The following RAB34 variants were observed in gnomAD, a reference collection of about 807,000 sequenced individuals.
The protein encoded by RAB34 is RAB34, member RAS oncogene family.
In RAB34, 33 loss-of-function variants were observed where a neutral mutation model predicts 39.0. The ratio of observed to expected loss-of-function variants is 0.85; its 90% confidence interval spans 0.64 to 1.13. The LOEUF (loss-of-function observed/expected upper bound fraction) is 1.13. RAB34 is among the 50% of genes most tolerant of loss of function. The pLI, the probability that RAB34 is intolerant of heterozygous loss-of-function variation, is 0.00. For missense variants in RAB34, 289 were observed against 326.1 expected (o/e 0.89, Z 0.88); for synonymous variants, 135 against 125.1 (o/e 1.08, Z -0.53).
Position 28,714,850 on chromosome 17 carries a change from C to A in RAB34, c.655G>T (p.Ala219Ser), listed in dbSNP as rs1181491295. The A allele has an allele frequency of 6.2e-7, 1 of 1,614,126 alleles. No homozygotes were observed. Among genetic ancestry groups the A allele is most frequent in the Non-Finnish European group, 8.5e-7 (1 of 1,180,036 alleles). ...FFRVAALTFEANVLAELEKSG... is the reference protein window; with the variant it reads ...FFRVAALTFESNVLAELEKSG... Reference sequence around the variant, plus strand: ...TTCTCCAGCTCAGCCAGCACATTGGCCTCAAAGGTCAGTGCTGCCACACGG... The same window carrying A: ...TTCTCCAGCTCAGCCAGCACATTGGACTCAAAGGTCAGTGCTGCCACACGG... The change falls in exon 9 of 10, where the codon GCC (alanine) becomes TCC (serine). Residue 219 changes from alanine to serine, a missense_variant. Physicochemically the swap from Ala to Ser is moderately conservative, Grantham distance 99. Coordinates refer to ENST00000395245, the MANE Select transcript of RAB34 (RefSeq NM_031934.6).
chr17:28,715,761 G>A lies in RAB34; in HGVS notation c.314+39C>T, dbSNP rs374486308. ...TGTATCTTGGGGGGTGTGGGTGCTG[G>A]GGAGAAGGGATAGCTGGAAGGGGTG... On this transcript the variant is annotated intron_variant, in intron 4 of 9. Transcript: ENST00000395245. 2.8e-5 allele frequency: 45 copies of A among 1,612,078 alleles called. No homozygotes were observed. The African/African-American group carries it at 5.3e-4, about 19-fold the overall frequency.
chr17:28,715,371 T>G (rs1229235021), intron 6 of RAB34, 85 bp downstream of exon 6: 1 of 1,591,538 alleles, frequency 6.3e-7, no homozygotes, highest in Non-Finnish European at 8.6e-7. Context: ...TGGTCCTACA[T>G]GCATTCTTCT....
rs764690729 is a variant in RAB34 at position 28,715,743 on chromosome 17, TG to T, written c.315-39del. 2.5e-6 allele frequency: 4 copies of T among 1,613,296 alleles called. No homozygotes were observed. The East Asian group carries it at 8.9e-5, about 36-fold the overall frequency. ...AAGAGTGAAGCACAGGTATGTATCT[TG>T]GGGGGTGTGGGTGCTGGGGAGAAGG... On this transcript the variant is annotated intron_variant, in intron 4 of 9. Transcript: ENST00000395245.
Position 28,715,711 on chromosome 17 carries a change from A to G in RAB34, c.315-6T>C. Reference sequence around the variant, plus strand: ...CCTGCCCAGCGGTATCCCAACTGGAAGGAAGGAAGAGTGAAGCACAGGTAT... The same window carrying G: ...CCTGCCCAGCGGTATCCCAACTGGAGGGAAGGAAGAGTGAAGCACAGGTAT... On this transcript the variant is annotated splice_region_variant and splice_polypyrimidine_tract_variant and intron_variant, in intron 4 of 9. Transcript: ENST00000395245. 6.2e-7 allele frequency: 1 copy of G among 1,613,944 alleles called. No homozygotes were observed.
In RAB34 at chr17:28,717,398, C is replaced by T; in HGVS notation, c.-132G>A. ...GACTACAACTCGGGGCCACGGGGAC[C>T]CTACGGGAGTCCGCGGTCTCGGAGA... On this transcript the variant is annotated 5_prime_UTR_variant, in exon 1 of 10. Transcript: ENST00000395245. 1 of 1,509,286 alleles carries T rather than the reference C, an allele frequency of 6.6e-7. No homozygotes were observed. Among genetic ancestry groups the T allele is most frequent in the Non-Finnish European group, 8.9e-7 (1 of 1,128,742 alleles). 93.5% of individuals were successfully genotyped at this position (1,509,286 alleles called of 1,614,324 possible). A position where few individuals can be genotyped will look rare whatever the true frequency, so the allele number is the denominator to read the frequency against.
rs1196779483 is a variant in RAB34, at chr17:28,717,639, G to A, written c.-373C>T. 7.3e-7 allele frequency: 1 copy of A among 1,375,992 alleles called. No homozygotes were observed. Among genetic ancestry groups the A allele is most frequent in the Middle Eastern group, 1.9e-4 (1 of 5,308 alleles). 85.2% of individuals were successfully genotyped at this position (1,375,992 alleles called of 1,614,324 possible). A position where few individuals can be genotyped will look rare whatever the true frequency, so the allele number is the denominator to read the frequency against. On this transcript the variant is annotated 5_prime_UTR_variant, in exon 1 of 10. Transcript: ENST00000395245. ...ATAGTTCCTACGATTACGCGGGGCC[G>A]GATGGTTCCTACAATAACCCGGGGC... is the stretch of plus-strand genomic sequence containing the variant.
upstream of RAB34, chr17:28,718,062 T>C (rs2151715838): frequency 6.7e-7 from 1 of 1,494,296 alleles, no homozygotes; most frequent in East Asian, 2.5e-5. Flanking sequence ...AGATAGGGAC[T>C]CCCCAGGCTG....
rs1358741703 is a variant in RAB34 at position 28,716,074 on chromosome 17, G to C, written c.147-16C>G. On this transcript the variant is annotated splice_polypyrimidine_tract_variant and intron_variant, in intron 2 of 9. Coordinates refer to ENST00000395245, the MANE Select transcript of RAB34 (RefSeq NM_031934.6). ...GATCTTAAATCTGCTGGACACAAGA[G>C]TGGGCAAGGGGAGTGGGCACGAGCT... 1 of 1,613,586 alleles carries C rather than the reference G, an allele frequency of 6.2e-7. No individual in the cohort carries two copies. The highest frequency in any genetic ancestry group is 2.2e-5 in the East Asian group (1 of 44,902).
At chr17:28,717,950 C>A, upstream of RAB34, 1 of 1,267,416 alleles carries the variant, frequency 7.9e-7, no homozygotes, top group Non-Finnish European at 1.0e-6. Flanking sequence ...CCCGCCCTCG[C>A]CACCCCCTCC....
At position 28,714,471 on chromosome 17, in the gene RAB34, G is replaced by C. The variant is rs749381716; in HGVS notation, c.*172C>G. Reference sequence around the variant, plus strand: ...CCAGTCTTTGGCACGGTGCCTGGGGGCAGGAAGTGACTAGCATGATCCCAG... The same window carrying C: ...CCAGTCTTTGGCACGGTGCCTGGGGCCAGGAAGTGACTAGCATGATCCCAG... On this transcript the variant is annotated 3_prime_UTR_variant, in exon 10 of 10. Coordinates refer to ENST00000395245, the MANE Select transcript of RAB34 (RefSeq NM_031934.6). 30 of 1,445,510 alleles carry C rather than the reference G, an allele frequency of 2.1e-5. No individual in the cohort carries two copies. Among genetic ancestry groups the C allele is most frequent in the Non-Finnish European group, 2.7e-5 (28 of 1,033,828 alleles). The allele number at this position is 1,445,510 out of a possible 1,614,324, so 89.5% of individuals were successfully genotyped here. A position where few individuals can be genotyped will look rare whatever the true frequency, so the allele number is the denominator to read the frequency against.
Position 28,717,492 on chromosome 17 carries a change from G to T in RAB34, c.-226C>A, listed in dbSNP as rs559186001. 168 of 1,434,734 alleles carry T rather than the reference G, an allele frequency of 1.2e-4. 1 individual carries two copies. The East Asian group carries it at 4.3e-3, about 37-fold the overall frequency. The allele number at this position is 1,434,734 out of a possible 1,614,324, so 88.9% of individuals were successfully genotyped here. On this transcript the variant is annotated 5_prime_UTR_variant, in exon 1 of 10. Coordinates refer to ENST00000395245, the MANE Select transcript of RAB34 (RefSeq NM_031934.6). ...GGCCGCGGCGAGCCCAAAATCACCC[G>T]GGCCCTGGGCGTCCCGAAGATGACT...
rs754541468 is a variant in RAB34 at position 28,717,609 on chromosome 17, G to A, written c.-343C>T. 5 of 1,400,436 alleles carry A rather than the reference G, an allele frequency of 3.6e-6. No individual in the cohort carries two copies. Among genetic ancestry groups the A allele is most frequent in the East Asian group, 2.8e-5 (1 of 35,528 alleles). 86.8% of individuals were successfully genotyped at this position (1,400,436 alleles called of 1,614,324 possible). ...CGCGCAGACCCTACGATTACGCGGG[G>A]CCGGATAGTTCCTACGATTACGCGG... is the stretch of plus-strand genomic sequence containing the variant. On this transcript the variant is annotated 5_prime_UTR_variant, in exon 1 of 10. Transcript: ENST00000395245.
chr17:28,718,415 G>A, upstream of RAB34: 1 of 631,942 alleles, frequency 1.6e-6, no homozygotes, highest in Non-Finnish European at 2.6e-6. Context: ...CTTCAAGGCT[G>A]CTGTGTAGAT....
chr17:28,718,319 G>T, upstream of RAB34: 1 of 1,482,572 alleles, frequency 6.7e-7, no homozygotes, highest in Non-Finnish European at 9.0e-7. Context: ...GGTGAGGATG[G>T]TGGAGGGGAA....
intron 8 of RAB34, 53 bp downstream of exon 8, chr17:28,714,977 TGA>T (rs2033095521): frequency 6.2e-7 from 1 of 1,600,046 alleles, no homozygotes; most frequent in Non-Finnish European, 8.6e-7. Flanking sequence ...GGTGTAGCAG[TGA>T]GAGGAGAGCC....
Position 28,717,761 on chromosome 17 carries a change from G to A in RAB34, c.-495C>T. ...GCCCCGCCACACGGGGTCAGTGTGG[G>A]CAGGGGCGGCGCTGCCAAGGCCCGC... is the stretch of plus-strand genomic sequence containing the variant. On this transcript the variant is annotated 5_prime_UTR_variant, in exon 1 of 10. Transcript: ENST00000395245. 1.5e-6 allele frequency: 2 copies of A among 1,337,464 alleles called. No homozygotes were observed. The highest frequency in any genetic ancestry group is 1.9e-6 in the Non-Finnish European group (2 of 1,050,488). 82.8% of individuals were successfully genotyped at this position (1,337,464 alleles called of 1,614,324 possible). A position where few individuals can be genotyped will look rare whatever the true frequency, so the allele number is the denominator to read the frequency against.
At chr17:28,715,363 G>A in intron 6 of RAB34, 87 bp from the exon 7 acceptor site, 6 of 1,586,758 alleles carry the variant, frequency 3.8e-6, no homozygotes, top group South Asian at 1.1e-5. Flanking sequence ...CCCCTCTCTG[G>A]TCCTACATGC....
chr17:28,714,533 C>T lies in RAB34; in HGVS notation c.*110G>A. ...TGGGAATACTGCCACCAAGAGGCAGCTCTTTGGTCTGGATAAAGTCAGTGC... is the reference window on the plus strand; with the variant it reads ...TGGGAATACTGCCACCAAGAGGCAGTTCTTTGGTCTGGATAAAGTCAGTGC... On this transcript the variant is annotated 3_prime_UTR_variant, in exon 10 of 10. Coordinates refer to ENST00000395245, the MANE Select transcript of RAB34 (RefSeq NM_031934.6). 6.2e-7 allele frequency: 1 copy of T among 1,611,446 alleles called. No homozygotes were observed. Among genetic ancestry groups the T allele is most frequent in the South Asian group, 1.1e-5 (1 of 90,990 alleles).
intron 5 of RAB34, 64 bp from the exon 6 acceptor site, chr17:28,715,571 C>G: frequency 6.2e-7 from 1 of 1,614,112 alleles, no homozygotes; most frequent in African/African-American, 1.3e-5. Context: ...TTTCCCCAAT[C>G]CTTCCAGCTC....
Sources: gnomAD v4.1 joint callset for allele counts on GRCh38, gnomAD v4.1.1 for gene constraint, MANE v1.5 for transcripts, NCBI Gene and HGNC (gene_info 2026-07-23, HGNC 2026-07-21) for gene names.